Variants in HECW2 observed in about 807,000 individuals in gnomAD.
HECW2 encodes HECT, C2 and WW domain containing E3 ubiquitin protein ligase 2.
HECW2 carries 61 observed loss-of-function variants against 175.2 expected under a neutral mutation model. The observed-to-expected ratio is 0.35, with a 90% CI of 0.28 to 0.43. The LOEUF (loss-of-function observed/expected upper bound fraction) is 0.43. Among genes scored for constraint, HECW2 ranks in the 20% least tolerant of loss-of-function variants. HECW2 has a pLI of 1.00. For synonymous variants in HECW2, 671 were observed against 731.0 expected (o/e 0.92, Z 1.32); for missense variants, 1,524 against 2,000.5 (o/e 0.76, Z 4.54).
rs534356650 is a variant in HECW2, at chr2:196,311,062, G to T, written c.2435-2977C>A. ...AGGGCCAGGAGATTTGAGTCCCTGA[G>T]GGACAGGGCTCCACAAACACCTGAC... On this transcript the variant is annotated intron_variant, in intron 10 of 28. Coordinates refer to ENST00000644978, the MANE Select transcript of HECW2 (RefSeq NM_001348768.2). Among the ~76,000 whole-genome samples the T allele has an allele frequency of 2.0e-5, 3 of 152,314 alleles. No individual in the cohort carries two copies. The East Asian group carries it at 5.8e-4, about 29-fold the overall frequency.
chr2:196,234,479 G>A (rs773312120), intron 21 of HECW2, among the ~76,000 whole-genome samples: 1 of 151,846 alleles, frequency 6.6e-6, no homozygotes, highest in Non-Finnish European at 1.5e-5. Flanking sequence ...ATTTTTTATA[G>A]AAATGGGGTC....
At chr2:196,306,832 T>C (rs1691284083) in intron 12 of HECW2, among the ~76,000 whole-genome samples, 1 of 152,254 alleles carries the variant, frequency 6.6e-6, no homozygotes, top group South Asian at 2.1e-4. Flanking sequence ...CTAGTTACTA[T>C]GAACATTTTA....
intron 1 of HECW2, among the ~76,000 whole-genome samples, chr2:196,512,972 A>T (rs147935556): frequency 0.012 from 1,856 of 152,224 alleles, 46 homozygotes; most frequent in African/African-American, 0.043. Context: ...GATTACAGGC[A>T]TGAGCCACCA....
At position 196,402,200 on chromosome 2, in the gene HECW2, CAAAAAAAAAAAA is replaced by C. The variant is rs55851966; in HGVS notation, c.292+30920_292+30931del. Among the ~76,000 whole-genome samples the C allele has an allele frequency of 5.0e-4, 35 of 70,388 alleles. No individual in the cohort carries two copies. In the Admixed American group the frequency reaches 6.5e-3, roughly 13 times the overall value. The allele number at this position is 70,388 out of a possible 152,430, so 46.2% of individuals were successfully genotyped here. ...TGGGCAACAGAGTGAGACTCTGTCTCAAAAAAAAAAAAAAAAAAAAAAAAAAGAGGGAAACTT... is the reference window on the plus strand; with the variant it reads ...TGGGCAACAGAGTGAGACTCTGTCTCAAAAAAAAAAAAAAGAGGGAAACTT... On this transcript the variant is annotated intron_variant, in intron 2 of 28. Coordinates refer to ENST00000644978, the MANE Select transcript of HECW2 (RefSeq NM_001348768.2).
chr2:196,349,473 T>G (rs1693089935), intron 2 of HECW2, among the ~76,000 whole-genome samples: 1 of 152,258 alleles, frequency 6.6e-6, no homozygotes, highest in East Asian at 1.9e-4. Context: ...CTTCATTCTC[T>G]TACAAGTCTA....
chr2:196,348,563 C>T (rs982558973), intron 2 of HECW2, among the ~76,000 whole-genome samples: 6 of 152,038 alleles, frequency 3.9e-5, no homozygotes, highest in Non-Finnish European at 7.4e-5. Context: ...CAGGGGTGTC[C>T]CTTGAGCCCA....
At chr2:196,254,082 A>C in intron 18 of HECW2, 53 bp from the exon 19 acceptor site, 1 of 1,604,524 alleles carries the variant, frequency 6.2e-7, no homozygotes, top group Non-Finnish European at 8.5e-7. Flanking sequence ...AGTGGGGAAA[A>C]GCCTAAATCC....
Position 196,364,125 on chromosome 2 carries a change from A to C in HECW2, c.293-20361T>G, listed in dbSNP as rs143480348. The stretch of plus-strand genomic sequence containing the variant: ...TCTGAATCCCACCTGAGGCTCCTAT[A>C]ACTCTGGTCCTCCAAGCAATGATTC... On this transcript the variant is annotated intron_variant, in intron 2 of 28. Coordinates refer to ENST00000644978, the MANE Select transcript of HECW2 (RefSeq NM_001348768.2). Among the ~76,000 whole-genome samples the C allele has an allele frequency of 6.6e-3, 1,001 of 152,240 alleles. 8 individuals carry two copies. Among genetic ancestry groups the C allele is most frequent in the Middle Eastern group, 0.02 (6 of 294 alleles).
chr2:196,493,825 G>A (rs1687288419), intron 1 of HECW2, among the ~76,000 whole-genome samples: 3 of 152,160 alleles, frequency 2.0e-5, no homozygotes, highest in African/African-American at 7.2e-5. Flanking sequence ...AGCCTTTTAT[G>A]CTATTGGAAA....
intron 6 of HECW2, 122 bp from the exon 7 acceptor site, chr2:196,322,742 TAGAA>T: frequency 1.3e-6 from 1 of 781,096 alleles, no homozygotes; most frequent in South Asian, 2.0e-5. Context: ...TCCACATAGC[TAGAA>T]ATAGCTGCAG....
intron 2 of HECW2, among the ~76,000 whole-genome samples, chr2:196,411,188 A>G (rs1695099781): frequency 1.3e-5 from 2 of 152,090 alleles, no homozygotes; most frequent in African/African-American, 4.8e-5. Context: ...TTAGTTTTGT[A>G]CAGACAAGGT....
chr2:196,522,613 T>A (rs1335033077), intron 1 of HECW2, among the ~76,000 whole-genome samples: 1 of 152,122 alleles, frequency 6.6e-6, no homozygotes. Context: ...TGGTGTTAGG[T>A]CTAACGTTTA....
intron 1 of HECW2, among the ~76,000 whole-genome samples, chr2:196,452,690 G>A (rs1275436243): frequency 6.6e-6 from 1 of 151,884 alleles, no homozygotes; most frequent in Non-Finnish European, 1.5e-5. Context: ...CTCCTCTCCT[G>A]CATGGAGGGT....
At chr2:196,246,546 G>A (rs1490282284) in intron 19 of HECW2, among the ~76,000 whole-genome samples, 2 of 141,900 alleles carry the variant, frequency 1.4e-5, no homozygotes, top group Non-Finnish European at 3.2e-5. Flanking sequence ...CACCACGCCC[G>A]GCTAATTATT....
rs1401976888 is a variant in HECW2, at chr2:196,315,310, A to C, written c.2434+1964T>G. 2.6e-5 allele frequency among the ~76,000 whole-genome samples: 4 copies of C among 152,308 alleles called. No homozygotes were observed. The East Asian group carries it at 7.7e-4, about 29-fold the overall frequency. On this transcript the variant is annotated intron_variant, in intron 10 of 28. Coordinates refer to ENST00000644978, the MANE Select transcript of HECW2 (RefSeq NM_001348768.2). ...AGTATTAAATAAATTAGCACAGATA[A>C]GTGTTTCTTAGAGTGCACACTGTTG... is the stretch of plus-strand genomic sequence containing the variant.
At chr2:196,279,601 TCAC>T (rs1346722821) in intron 14 of HECW2, among the ~76,000 whole-genome samples, 1 of 152,140 alleles carries the variant, frequency 6.6e-6, no homozygotes, top group Non-Finnish European at 1.5e-5. Context: ...TTCAATTACA[TCAC>T]CACCCCAATA....
intron 2 of HECW2, among the ~76,000 whole-genome samples, chr2:196,356,899 G>GGGTCT (rs1693389609): frequency 6.6e-6 from 1 of 152,258 alleles, no homozygotes; most frequent in Non-Finnish European, 1.5e-5. Flanking sequence ...AATCCACTGG[G>GGGTCT]GGTCTTGGAA....
intron 1 of HECW2, among the ~76,000 whole-genome samples, chr2:196,506,532 T>G (rs1446859171): frequency 6.6e-6 from 1 of 152,104 alleles, no homozygotes; most frequent in Non-Finnish European, 1.5e-5. Context: ...AGCATGAGCA[T>G]GCACCCACAC....
chr2:196,463,122 C>T (rs1696813358), intron 1 of HECW2, among the ~76,000 whole-genome samples: 1 of 152,158 alleles, frequency 6.6e-6, no homozygotes, highest in South Asian at 2.1e-4. Context: ...CTAATGGTCA[C>T]TAGTGATAGC....
Sources: allele counts gnomAD v4.1 joint callset (sites outside exome capture counted in the v4.1 genomes callset), GRCh38; gene constraint gnomAD v4.1.1; transcripts MANE v1.5; gene names NCBI Gene and HGNC (gene_info 2026-07-23, HGNC 2026-07-21).